The following DNAH11 variants were observed in gnomAD, a reference collection of about 807,000 sequenced individuals.
DNAH11 encodes the protein axonemal beta dynein heavy chain 11.
DNAH11 carries 442 observed loss-of-function variants against 526.0 expected under a neutral mutation model. The ratio of observed to expected loss-of-function variants is 0.84; its 90% CI spans 0.78 to 0.91. The LOEUF (loss-of-function observed/expected upper bound fraction) is 0.91. DNAH11 is among the 40% of genes least tolerant of loss of function. The pLI is 0.00. For synonymous variants in DNAH11, 2,461 were observed against 1,935.9 expected (o/e 1.27, Z -7.12); for missense variants, 6,989 against 5,448.7 (o/e 1.28, Z -8.90).
intron 28 of DNAH11, among the ~76,000 whole-genome samples, chr7:21,642,009 G>T (rs1031980081): frequency 1.3e-5 from 2 of 152,178 alleles, no homozygotes; most frequent in Non-Finnish European, 2.9e-5. Flanking sequence ...ACAAAGGGAG[G>T]TGGGTATTTC....
intron 58 of DNAH11, among the ~76,000 whole-genome samples, chr7:21,785,599 T>C (rs1470613677): frequency 6.6e-6 from 1 of 152,204 alleles, no homozygotes; most frequent in East Asian, 1.9e-4. Context: ...ATGGAATATT[T>C]ATTTTCTTTA....
intron 14 of DNAH11, among the ~76,000 whole-genome samples, chr7:21,596,228 C>T (rs1784856121): frequency 1.3e-5 from 2 of 152,158 alleles, no homozygotes; most frequent in African/African-American, 4.8e-5. Flanking sequence ...ACAAGGTCCA[C>T]AAACAGGCTG....
chr7:21,829,772 GATA>G (rs1234511171), intron 65 of DNAH11, among the ~76,000 whole-genome samples: 17 of 152,176 alleles, frequency 1.1e-4, no homozygotes, highest in Admixed American at 2.6e-4. Context: ...AAGAATTTCA[GATA>G]ATAATCTCTA....
intron 61 of DNAH11, among the ~76,000 whole-genome samples, chr7:21,796,099 A>G (rs1380312322): frequency 6.6e-6 from 1 of 152,210 alleles, no homozygotes; most frequent in Non-Finnish European, 1.5e-5. Context: ...TTAAGAGGTA[A>G]GTGTTTGTCC....
intron 30 of DNAH11, among the ~76,000 whole-genome samples, chr7:21,677,883 A>T (rs972095837): frequency 6.6e-6 from 1 of 152,140 alleles, no homozygotes; most frequent in Non-Finnish European, 1.5e-5. Context: ...TCTTTGGGAA[A>T]ATGTCTATTC....
chr7:21,722,271 C>T (rs769866864), intron 44 of DNAH11, among the ~76,000 whole-genome samples: 7 of 152,154 alleles, frequency 4.6e-5, no homozygotes, highest in Non-Finnish European at 8.8e-5. Flanking sequence ...CATCAGGATT[C>T]CCACCCAAGT....
intron 55 of DNAH11, among the ~76,000 whole-genome samples, chr7:21,771,816 A>G (rs1269074381): frequency 6.6e-6 from 1 of 151,946 alleles, no homozygotes; most frequent in Non-Finnish European, 1.5e-5. Flanking sequence ...CAGCACCAGC[A>G]GCAACTCCTC....
Position 21,717,936 on chromosome 7 carries a change from G to C in DNAH11, c.7134+11G>C, listed in dbSNP as rs781116115. 1 of 1,607,546 alleles carries C rather than the reference G, an allele frequency of 6.2e-7. No individual in the cohort carries two copies. Among genetic ancestry groups the C allele is most frequent in the African/African-American group, 1.3e-5 (1 of 74,818 alleles). ...AGTAGCCTGGTGCAGGTTTGTCTTC[G>C]GTTACGCCATTTAACGTTCTAGTTC... On this transcript the variant is annotated intron_variant, in intron 43 of 81. Coordinates refer to ENST00000409508, the MANE Select transcript of DNAH11 (RefSeq NM_001277115.2).
intron 25 of DNAH11, among the ~76,000 whole-genome samples, chr7:21,624,923 T>C (rs1196397624): frequency 6.6e-6 from 1 of 152,188 alleles, no homozygotes; most frequent in East Asian, 1.9e-4. Flanking sequence ...TAGTGTACTG[T>C]TAAAATCAGT....
chr7:21,676,133 A>G (rs1782872633), intron 30 of DNAH11, among the ~76,000 whole-genome samples: 1 of 152,196 alleles, frequency 6.6e-6, no homozygotes, highest in Non-Finnish European at 1.5e-5. Flanking sequence ...TCCAGGAACA[A>G]AAGTTTGGAT....
intron 25 of DNAH11, among the ~76,000 whole-genome samples, chr7:21,635,515 G>A (rs1562717819): frequency 6.6e-6 from 1 of 152,244 alleles, no homozygotes; most frequent in East Asian, 1.9e-4. Flanking sequence ...AATAGGCAGG[G>A]ATGAGGGGAA....
chr7:21,848,369 A>G (rs931879103), intron 66 of DNAH11, among the ~76,000 whole-genome samples: 2 of 150,518 alleles, frequency 1.3e-5, no homozygotes, highest in Non-Finnish European at 3.0e-5. Context: ...TTTAATTTTT[A>G]TATTTAAAGT....
chr7:21,689,546 C>T (rs1271181909), intron 34 of DNAH11, among the ~76,000 whole-genome samples: 1 of 152,240 alleles, frequency 6.6e-6, no homozygotes, highest in African/African-American at 2.4e-5. Context: ...TTGACTGTGG[C>T]TGTCCCTCCT....
chr7:21,821,672 A>G (rs766122835), intron 65 of DNAH11, among the ~76,000 whole-genome samples: 6 of 152,178 alleles, frequency 3.9e-5, no homozygotes, highest in Non-Finnish European at 8.8e-5. Flanking sequence ...GATGACTGGG[A>G]TATCTACCAC....
Position 21,787,435 on chromosome 7 carries a change from A to T in DNAH11, c.9776A>T (p.Asp3259Val), listed in dbSNP as rs749286750. ...TTTTTGCAAGCATTAATTAACTATG[A>T]CAAAGAGCACATTCCAGAGAACTGT... The part of the protein sequence containing the change: ...DDFLQALINY[D>V]KEHIPENCLK... The change falls in exon 60 of 82, where the codon GAC (aspartate) becomes GTC (valine). Residue 3259 changes from aspartate to valine, a missense_variant. Transcript: ENST00000409508. 14 of 1,611,516 alleles carry T rather than the reference A, an allele frequency of 8.7e-6. No individual in the cohort carries two copies. Among genetic ancestry groups the T allele is most frequent in the Non-Finnish European group, 1.2e-5 (14 of 1,178,792 alleles).
chr7:21,704,771 G>A (rs981818767), intron 38 of DNAH11, 143 bp downstream of exon 38: 2 of 895,340 alleles, frequency 2.2e-6, no homozygotes, highest in Admixed American at 3.7e-5. Context: ...TTTTCATATG[G>A]CAGGATTAAG....
In DNAH11 at chr7:21,749,782, T is replaced by G. The variant is rs781151745; in HGVS notation, c.8778T>G (p.Ile2926Met). 2.3e-4 allele frequency: 370 copies of G among 1,613,802 alleles called. No individual in the cohort carries two copies. Among genetic ancestry groups the G allele is most frequent in the Non-Finnish European group, 3.0e-4 (350 of 1,179,838 alleles). Residue 2926 changes from isoleucine (I) to methionine (M), a missense_variant, in exon 53 of 82, where the codon ATT becomes ATG. Physicochemically the swap from Ile to Met is conservative, Grantham distance 10 (BLOSUM62 1). Transcript: ENST00000409508. The stretch of plus-strand genomic sequence containing the variant: ...TAGATGAGAGCTTCCTCGTGCTGAT[T>G]AATGACTTGCTGGCATCAGGTGATT... ...QVLDESFLVL[I>M]NDLLASGEIP...
intron 45 of DNAH11, among the ~76,000 whole-genome samples, chr7:21,726,354 C>T (rs1008461610): frequency 2.6e-5 from 4 of 152,104 alleles, no homozygotes; most frequent in Non-Finnish European, 5.9e-5. Context: ...CACCAGGCCC[C>T]ACCTGCAACA....
intron 61 of DNAH11, among the ~76,000 whole-genome samples, chr7:21,796,126 C>G (rs1425372974): frequency 3.9e-5 from 6 of 152,194 alleles, no homozygotes; most frequent in African/African-American, 9.7e-5. Flanking sequence ...CCAGAATATA[C>G]TAAGCTCCCT....
Sources: gnomAD v4.1 joint callset for allele counts (sites outside exome capture counted in the v4.1 genomes callset) on GRCh38, gnomAD v4.1.1 for gene constraint, MANE v1.5 for transcripts, NCBI Gene and HGNC (gene_info 2026-07-23, HGNC 2026-07-21) for gene names.